The following KCNJ6 variants were observed in gnomAD, a reference collection of about 807,000 sequenced individuals.
KCNJ6 encodes G protein-activated inward rectifier potassium channel 2.
Under a neutral mutation model 34.2 loss-of-function variants are expected in KCNJ6, and 9 were observed. The observed-to-expected ratio is 0.26, with a 90% confidence interval of 0.16 to 0.46. The LOEUF is 0.46. Ranked by LOEUF, KCNJ6 falls within the 20% of genes least tolerant of loss-of-function variation. KCNJ6 has a pLI of 1.00. For synonymous variants in KCNJ6, 196 were observed against 207.1 expected, an observed-to-expected ratio of 0.95 and a Z score of 0.46; for missense variants, 236 against 531.3, an observed-to-expected ratio of 0.44 and a Z score of 5.46.
chr21:37,827,173 A>T (rs1196534853), intron 2 of KCNJ6, among the ~76,000 whole-genome samples: 1 of 152,228 alleles, frequency 6.6e-6, no homozygotes, highest in African/African-American at 2.4e-5. Context: ...TGACTTCAGG[A>T]AATCAAAAGT....
intron 3 of KCNJ6, among the ~76,000 whole-genome samples, chr21:37,652,487 G>C (rs1221895699): frequency 6.6e-6 from 1 of 152,148 alleles, no homozygotes; most frequent in African/African-American, 2.4e-5. Flanking sequence ...GCGAAGGAGG[G>C]TTTTTGTTTT....
At chr21:37,863,293 C>A (rs1568876475) in intron 1 of KCNJ6, among the ~76,000 whole-genome samples, 1 of 152,096 alleles carries the variant, frequency 6.6e-6, no homozygotes, top group Non-Finnish European at 1.5e-5. Context: ...CTTACTGTGC[C>A]TCCACAGTAA....
At chr21:37,760,766 G>T (rs2055057143) in intron 2 of KCNJ6, among the ~76,000 whole-genome samples, 1 of 152,196 alleles carries the variant, frequency 6.6e-6, no homozygotes, top group Non-Finnish European at 1.5e-5. Context: ...CCTCACCTAG[G>T]ATGGGAGGCC....
intron 2 of KCNJ6, among the ~76,000 whole-genome samples, chr21:37,740,704 A>T (rs1417764143): frequency 2.6e-5 from 4 of 152,218 alleles, no homozygotes; most frequent in African/African-American, 4.8e-5. Context: ...AATATTTTAC[A>T]GAGTTTGACT....
intron 2 of KCNJ6, among the ~76,000 whole-genome samples, chr21:37,816,127 T>A (rs1321306552): frequency 6.6e-6 from 1 of 152,236 alleles, no homozygotes; most frequent in Non-Finnish European, 1.5e-5. Flanking sequence ...ATCCCTGTTC[T>A]GGAAGGTCTC....
At chr21:37,692,868 C>T (rs989822528) in intron 3 of KCNJ6, among the ~76,000 whole-genome samples, 49 of 152,100 alleles carry the variant, frequency 3.2e-4, no homozygotes, top group African/African-American at 1.0e-3. Flanking sequence ...AAACTTAGAG[C>T]GAAAGGGTAG....
At chr21:37,907,590 A>T (rs2055847748) in intron 1 of KCNJ6, among the ~76,000 whole-genome samples, 1 of 152,226 alleles carries the variant, frequency 6.6e-6, no homozygotes, top group Non-Finnish European at 1.5e-5. Flanking sequence ...GACAGATCAC[A>T]TTACCTCTGC....
intron 3 of KCNJ6, among the ~76,000 whole-genome samples, chr21:37,644,798 G>A (rs1282800786): frequency 6.6e-6 from 1 of 152,132 alleles, no homozygotes; most frequent in African/African-American, 2.4e-5. Context: ...TTTGTACCCT[G>A]CTTTGTTAAT....
At chr21:37,801,748 A>G (rs1192090456) in intron 2 of KCNJ6, among the ~76,000 whole-genome samples, 1 of 152,022 alleles carries the variant, frequency 6.6e-6, no homozygotes, top group Non-Finnish European at 1.5e-5. Flanking sequence ...TTAAAAAATC[A>G]TCCTTATTGA....
intron 2 of KCNJ6, among the ~76,000 whole-genome samples, chr21:37,717,562 TCAA>T (rs144903282): frequency 0.012 from 1,787 of 152,354 alleles, 34 homozygotes; most frequent in African/African-American, 0.04. Context: ...CCTTGAATGG[TCAA>T]CAACTCTGAG....
Position 37,609,404 on chromosome 21 carries a change from G to C in KCNJ6, c.*15755C>G, listed in dbSNP as rs1348831204. The C allele has an allele frequency of 6.6e-6, 1 of 152,154 alleles. No individual in the cohort carries two copies. Among genetic ancestry groups the C allele is most frequent in the Non-Finnish European group, 1.5e-5 (1 of 68,034 alleles). The allele number at this position is 152,154 out of a possible 1,614,324, so 9.4% of individuals were successfully genotyped here. A position where few individuals can be genotyped will look rare whatever the true frequency, so the allele number is the denominator to read the frequency against. ...AATCGCATAGATTCAAAATTAAAGA[G>C]ACTATTGAAACCTTGGCACTGCTAG... is the stretch of plus-strand genomic sequence containing the variant. On this transcript the variant is annotated 3_prime_UTR_variant, in exon 4 of 4. Transcript: ENST00000609713.
chr21:37,645,440 C>T (rs2054399920), intron 3 of KCNJ6, among the ~76,000 whole-genome samples: 1 of 151,996 alleles, frequency 6.6e-6, no homozygotes, highest in Admixed American at 6.6e-5. Context: ...AAATCCAGCA[C>T]CAGGAAGATG....
At chr21:37,731,093 T>C (rs1569453479) in intron 2 of KCNJ6, among the ~76,000 whole-genome samples, 1 of 69,574 alleles carries the variant, frequency 1.4e-5, no homozygotes, top group Non-Finnish European at 2.7e-5. Context: ...TGCAGATAGA[T>C]GAGAGAAGTG....
chr21:37,625,157 C>T lies in KCNJ6; in HGVS notation c.*2G>A. 1 of 1,609,452 alleles carries T rather than the reference C, an allele frequency of 6.2e-7. No homozygotes were observed. On this transcript the variant is annotated 3_prime_UTR_variant, in exon 4 of 4. Transcript: ENST00000609713. ...AAGAGAAGGGTTTGCCCAGCTAGGG[C>T]ACTAAACTTTGGATTCATTCTCCAG... is the stretch of plus-strand genomic sequence containing the variant.
intron 3 of KCNJ6, among the ~76,000 whole-genome samples, chr21:37,637,626 G>A (rs978105823): frequency 6.6e-6 from 1 of 152,180 alleles, no homozygotes; most frequent in Non-Finnish European, 1.5e-5. Context: ...CTAAGGCAAA[G>A]ACAGATTAAG....
chr21:37,859,016 A>G (rs932316161), intron 1 of KCNJ6, among the ~76,000 whole-genome samples: 2 of 152,244 alleles, frequency 1.3e-5, no homozygotes, highest in African/African-American at 4.8e-5. Flanking sequence ...TTATAGAAGA[A>G]CAAAATGAAA....
rs1310185858 is a variant in KCNJ6 at position 37,620,781 on chromosome 21, C to T, written c.*4378G>A. The T allele has an allele frequency of 6.6e-6, 1 of 152,184 alleles. No individual in the cohort carries two copies. Among genetic ancestry groups the T allele is most frequent in the Non-Finnish European group, 1.5e-5 (1 of 68,036 alleles). 9.4% of individuals were successfully genotyped at this position (152,184 alleles called of 1,614,324 possible). A position where few individuals can be genotyped will look rare whatever the true frequency, so the allele number is the denominator to read the frequency against. On this transcript the variant is annotated 3_prime_UTR_variant, in exon 4 of 4. Coordinates refer to ENST00000609713, the MANE Select transcript of KCNJ6 (RefSeq NM_002240.5). The stretch of plus-strand genomic sequence containing the variant: ...TACAAGTGCTCTTAATGCTCTCAAA[C>T]ACCACACCATGTTGGGTAAAATATT...
intron 2 of KCNJ6, among the ~76,000 whole-genome samples, chr21:37,792,146 A>G (rs2055219877): frequency 6.6e-6 from 1 of 152,226 alleles, no homozygotes; most frequent in Non-Finnish European, 1.5e-5. Flanking sequence ...ACAGAATAAG[A>G]GAAAGAAAGT....
At chr21:37,739,989 C>A (rs558426591) in intron 2 of KCNJ6, among the ~76,000 whole-genome samples, 2 of 151,834 alleles carry the variant, frequency 1.3e-5, no homozygotes, top group East Asian at 3.9e-4. Context: ...GCACCTGTGG[C>A]AACATTGCCA....
Sources: allele counts gnomAD v4.1 joint callset (sites outside exome capture counted in the v4.1 genomes callset), GRCh38; gene constraint gnomAD v4.1.1; transcripts MANE v1.5; gene names NCBI Gene and HGNC (gene_info 2026-07-23, HGNC 2026-07-21).